Variants in TANK observed in about 807,000 individuals in gnomAD.
TANK encodes the protein TRAF family member-associated NF-kappa-B activator.
Under a neutral mutation model 43.6 loss-of-function variants are expected in TANK, and 15 were observed. The ratio of observed to expected loss-of-function variants is 0.34; its 90% confidence interval spans 0.23 to 0.53. TANK has a LOEUF of 0.53. Ranked by LOEUF, TANK falls within the 20% of genes least tolerant of loss-of-function variation. TANK has a pLI of 0.94. For missense variants in TANK, 417 were observed against 498.6 expected (o/e 0.84, Z 1.56); for synonymous variants, 162 against 178.2 (o/e 0.91, Z 0.73).
At chr2:161,141,280 AT>A (rs1281242768) in intron 1 of TANK, among the ~76,000 whole-genome samples, 1 of 152,112 alleles carries the variant, frequency 6.6e-6, no homozygotes, top group Admixed American at 6.6e-5. Context: ...GGATGCATAT[AT>A]TCTGAATGTT....
At chr2:161,186,966 A>G (rs1685689555) in intron 2 of TANK, among the ~76,000 whole-genome samples, 1 of 152,216 alleles carries the variant, frequency 6.6e-6, no homozygotes. Flanking sequence ...CCACAATTTG[A>G]TATCATCTCA....
intron 2 of TANK, among the ~76,000 whole-genome samples, chr2:161,196,436 G>A (rs1371481142): frequency 1.3e-5 from 2 of 152,202 alleles, no homozygotes; most frequent in Non-Finnish European, 2.9e-5. Context: ...CCTCAGGTGA[G>A]CTAGAGGTAC....
chr2:161,152,458 C>T (rs964249527), intron 1 of TANK, among the ~76,000 whole-genome samples: 12 of 152,044 alleles, frequency 7.9e-5, no homozygotes, highest in Admixed American at 3.3e-4. Context: ...TTATATATGT[C>T]ATTCTACTAT....
chr2:161,153,687 CAAAAAAA>C (rs11395042), intron 1 of TANK, among the ~76,000 whole-genome samples: 3 of 76,340 alleles, frequency 3.9e-5, no homozygotes, highest in Admixed American at 1.5e-4. Context: ...GGCCCTGTCT[CAAAAAAA>C]AAAAAAAAAA....
chr2:161,175,727 C>T (rs1018459660), intron 1 of TANK, among the ~76,000 whole-genome samples: 4 of 152,096 alleles, frequency 2.6e-5, no homozygotes, highest in Non-Finnish European at 5.9e-5. Flanking sequence ...TCTTCATGGA[C>T]AGGCACACCA....
intron 1 of TANK, among the ~76,000 whole-genome samples, chr2:161,178,891 ATTAG>A (rs1008637955): frequency 6.6e-6 from 1 of 152,160 alleles, no homozygotes; most frequent in African/African-American, 2.4e-5. Context: ...AATCAGAGTC[ATTAG>A]TTAGCCTTCT....
chr2:161,161,627 C>A, intron 1 of TANK: 1 of 696,792 alleles, frequency 1.4e-6, no homozygotes, highest in African/African-American at 1.8e-5. Flanking sequence ...GCATACTGTT[C>A]GATAATCTGT....
chr2:161,144,278 T>C (rs1171328267), intron 1 of TANK, among the ~76,000 whole-genome samples: 2 of 152,184 alleles, frequency 1.3e-5, no homozygotes, highest in African/African-American at 4.8e-5. Flanking sequence ...CATTGAGTTT[T>C]TGAAGGGTTT....
At chr2:161,144,095 G>C (rs1002992635) in intron 1 of TANK, among the ~76,000 whole-genome samples, 4 of 152,116 alleles carry the variant, frequency 2.6e-5, no homozygotes, top group Admixed American at 2.6e-4. Flanking sequence ...TAGCTTATTT[G>C]CATAGAGGTG....
At chr2:161,200,404 T>G in intron 2 of TANK, 1 of 982,442 alleles carries the variant, frequency 1.0e-6, no homozygotes, top group Non-Finnish European at 1.2e-6. Context: ...CAAAAGCATT[T>G]AATCAAATGA....
intron 1 of TANK, among the ~76,000 whole-genome samples, chr2:161,148,100 A>G (rs1297717762): frequency 6.6e-6 from 1 of 152,112 alleles, no homozygotes; most frequent in Non-Finnish European, 1.5e-5. Context: ...GAACTGGCAA[A>G]TTATTTTCCA....
chr2:161,138,674 G>C (rs905437613), intron 1 of TANK, among the ~76,000 whole-genome samples: 3 of 152,186 alleles, frequency 2.0e-5, no homozygotes, highest in Non-Finnish European at 4.4e-5. Context: ...TTCAGGTTCT[G>C]CCCAGCAGCC....
chr2:161,153,248 T>C (rs1256341164), intron 1 of TANK, among the ~76,000 whole-genome samples: 1 of 152,256 alleles, frequency 6.6e-6, no homozygotes, highest in Non-Finnish European at 1.5e-5. Context: ...TTTCTTTTAG[T>C]TCTTTGTCCA....
intron 2 of TANK, among the ~76,000 whole-genome samples, chr2:161,185,027 G>A (rs963047795): frequency 6.6e-6 from 1 of 152,178 alleles, no homozygotes; most frequent in African/African-American, 2.4e-5. Flanking sequence ...AAGAAGATCA[G>A]TCACTTGGCC....
intron 1 of TANK, among the ~76,000 whole-genome samples, chr2:161,169,429 A>G (rs1168032135): frequency 6.6e-6 from 1 of 152,230 alleles, no homozygotes; most frequent in Non-Finnish European, 1.5e-5. Context: ...ATGCTAATCT[A>G]ATGAAAAATT....
At chr2:161,232,661 G>A (rs1326568827) in intron 7 of TANK, 1 of 1,435,810 alleles carries the variant, frequency 7.0e-7, no homozygotes. Context: ...TTCCTGTGGA[G>A]CTGTGAAGTG....
intron 2 of TANK, among the ~76,000 whole-genome samples, chr2:161,197,746 A>T (rs113823029): frequency 2.6e-5 from 4 of 152,122 alleles, no homozygotes; most frequent in African/African-American, 9.7e-5. Flanking sequence ...AGCCCCTTTT[A>T]TAAAGGCCTT....
rs1458467400 is a variant in TANK at position 161,231,307 on chromosome 2, C to T, written c.857C>T (p.Thr286Ile). Residue 286 changes from threonine to isoleucine, a missense_variant, in exon 7 of 8, where the codon ACT (threonine) becomes ATT (isoleucine). Thr to Ile is a moderately conservative substitution (Grantham distance 89, BLOSUM62 -1). Coordinates refer to ENST00000392749, the MANE Select transcript of TANK (RefSeq NM_001199135.3). ...NPGNFVKTEE[T>I]LFEIQGIDPI... ...GGGAACTTTGTTAAAACAGAAGAAA[C>T]TTTATTTGAAATTCAGGGAATTGAC... 2 of 1,614,110 alleles carry T rather than the reference C, an allele frequency of 1.2e-6. No individual in the cohort carries two copies. Among genetic ancestry groups the T allele is most frequent in the Non-Finnish European group, 8.5e-7 (1 of 1,179,996 alleles).
chr2:161,226,833 A>G (rs1559008489), intron 6 of TANK, among the ~76,000 whole-genome samples: 1 of 19,994 alleles, frequency 5.0e-5, no homozygotes, highest in Non-Finnish European at 2.6e-4. Flanking sequence ...GGAAGGAAGA[A>G]TATAGGATTA....
Sources: allele counts gnomAD v4.1 joint callset (sites outside exome capture counted in the v4.1 genomes callset), GRCh38; gene constraint gnomAD v4.1.1; transcripts MANE v1.5; gene names NCBI Gene and HGNC (gene_info 2026-07-23, HGNC 2026-07-21).